ARHGAP17: variants seen among roughly 807,000 people sequenced by gnomAD.
ARHGAP17 encodes rho GTPase-activating protein 17.
A neutral mutation model predicts 99.5 loss-of-function variants in ARHGAP17; 57 were observed. That is an observed-to-expected ratio of 0.57 (90% CI 0.46 to 0.71). ARHGAP17 has a LOEUF of 0.71. ARHGAP17 is among the 30% of genes least tolerant of loss of function. ARHGAP17 has a pLI of 0.00. For missense variants in ARHGAP17, 1,000 were observed against 1,122.4 expected (o/e 0.89, Z 1.56); for synonymous variants, 417 against 429.6 (o/e 0.97, Z 0.36).
chr16:24,956,624 A>C (rs1236944398), intron 9 of ARHGAP17: 1 of 152,230 alleles, frequency 6.6e-6, no homozygotes. Flanking sequence ...TCCTGCTGGG[A>C]GTGCACGATC....
At chr16:24,979,704 T>TATTATTATTA (rs1555466862) in intron 1 of ARHGAP17, among the ~76,000 whole-genome samples, 1 of 150,508 alleles carries the variant, frequency 6.6e-6, no homozygotes, top group Non-Finnish European at 1.5e-5. Flanking sequence ...TAATTTTTAT[T>TATTATTATTA]TTATTATTAT....
At chr16:24,998,160 C>T (rs1567264931) in intron 1 of ARHGAP17, among the ~76,000 whole-genome samples, 1 of 151,868 alleles carries the variant, frequency 6.6e-6, no homozygotes, top group Non-Finnish European at 1.5e-5. Context: ...AACTGGGCCC[C>T]GGGCACAGGG....
chr16:25,006,847 A>C (rs1412364505), intron 1 of ARHGAP17, among the ~76,000 whole-genome samples: 1 of 152,202 alleles, frequency 6.6e-6, no homozygotes, highest in Admixed American at 6.5e-5. Context: ...ATGTCAGCAG[A>C]GATTTTTCAA....
chr16:24,958,971 G>C (rs1377575494), intron 9 of ARHGAP17, among the ~76,000 whole-genome samples: 5 of 151,670 alleles, frequency 3.3e-5, no homozygotes, highest in Non-Finnish European at 5.9e-5. Context: ...TGCTCTAATG[G>C]TAAATCAGAG....
rs577712670 is a variant in ARHGAP17, at chr16:24,968,084, C to T, written c.461+267G>A. ...TGAGTTGTGCTCTCAAAACTGCCAC[C>T]ATCCCCTCTTCCGTTAAATATACTC... is the stretch of plus-strand genomic sequence containing the variant. On this transcript the variant is annotated intron_variant, in intron 6 of 19. Transcript: ENST00000289968. Among the ~76,000 whole-genome samples the T allele has an allele frequency of 2.0e-5, 3 of 152,164 alleles. No homozygotes were observed. In the South Asian group the frequency reaches 6.2e-4, roughly 32 times the overall value.
At position 25,015,306 on chromosome 16, in the gene ARHGAP17, G is replaced by A; in HGVS notation, c.-45C>T. 2 of 1,288,434 alleles carry A rather than the reference G, an allele frequency of 1.6e-6. No individual in the cohort carries two copies. Among genetic ancestry groups the A allele is most frequent in the Non-Finnish European group, 2.0e-6 (2 of 1,013,348 alleles). The allele number at this position is 1,288,434 out of a possible 1,614,324, so 79.8% of individuals were successfully genotyped here. A position where few individuals can be genotyped will look rare whatever the true frequency, so the allele number is the denominator to read the frequency against. ...GCCCGCGGGGCTCGGGCCGGGCAGG[G>A]CGGGGGACAGCCTGGCAGCTACTAC... On this transcript the variant is annotated 5_prime_UTR_variant, in exon 1 of 20. Transcript: ENST00000289968.
intron 17 of ARHGAP17, among the ~76,000 whole-genome samples, chr16:24,938,673 T>C (rs1415266511): frequency 6.7e-6 from 1 of 148,480 alleles, no homozygotes; most frequent in East Asian, 2.0e-4. Flanking sequence ...TTGGGAGGCT[T>C]AGGTAGGAGG....
chr16:24,936,047 C>A (rs574277570), intron 17 of ARHGAP17: 11 of 307,064 alleles, frequency 3.6e-5, no homozygotes, highest in Non-Finnish European at 6.3e-5. Context: ...GCAACCAATG[C>A]GGAGTTTTCA....
intron 19 of ARHGAP17, among the ~76,000 whole-genome samples, chr16:24,928,607 C>G (rs994698609): frequency 1.3e-5 from 2 of 152,326 alleles, no homozygotes; most frequent in South Asian, 2.1e-4. Flanking sequence ...GGCCTCCTCC[C>G]TGTTTTGAAG....
rs758866505 is a variant in ARHGAP17, at chr16:24,935,533, G to A, written c.1831C>T (p.His611Tyr). 3.1e-6 allele frequency: 5 copies of A among 1,613,568 alleles called. No individual in the cohort carries two copies. The highest frequency in any genetic ancestry group is 1.1e-5 in the South Asian group (1 of 90,962). The change falls in exon 18 of 20, where the codon CAC becomes TAC. Residue 611 changes from histidine (H) to tyrosine (Y), a missense_variant. This residue lies in a region of ARHGAP17 where 528 missense variants were observed against 511.4 expected (regional missense o/e 1.03). Transcript: ENST00000289968. ...QNQPQAAAGS[H>Y]QLSMGQPHNA... ...TGAGGTTGGCCCATGGAGAGCTGGT[G>A]GGAGCCAGCAGCTGCCTGGGGCTGA...
rs182300855 is a variant in ARHGAP17, at chr16:24,994,731, G to A, written c.54-15726C>T. On this transcript the variant is annotated intron_variant, in intron 1 of 19. Coordinates refer to ENST00000289968, the MANE Select transcript of ARHGAP17 (RefSeq NM_001006634.3). ...ATGCACCCAGGGAACTTAAGCGATT[G>A]CCCAGGGTTTCCCACCTAGGCTCTG... Among the ~76,000 whole-genome samples, 335 of 152,230 alleles carry A rather than the reference G, an allele frequency of 2.2e-3. 1 individual carries two copies. Among genetic ancestry groups the A allele is most frequent in the African/African-American group, 7.8e-3 (322 of 41,548 alleles).
intron 19 of ARHGAP17, among the ~76,000 whole-genome samples, chr16:24,922,516 C>A (rs372988486): frequency 8.5e-5 from 13 of 152,162 alleles, no homozygotes; most frequent in African/African-American, 2.9e-4. Flanking sequence ...CTGCCGCCCA[C>A]CTGCCCCATC....
At chr16:24,987,540 C>A (rs1193473516) in intron 1 of ARHGAP17, among the ~76,000 whole-genome samples, 1 of 152,082 alleles carries the variant, frequency 6.6e-6, no homozygotes, top group Non-Finnish European at 1.5e-5. Flanking sequence ...AGACTTTTGC[C>A]AAATTGCTCC....
chr16:24,998,632 C>A (rs78486001), intron 1 of ARHGAP17, among the ~76,000 whole-genome samples: 1 of 152,296 alleles, frequency 6.6e-6, no homozygotes, highest in South Asian at 2.1e-4. Flanking sequence ...CTAAGCCAAG[C>A]GCTGGACGGC....
intron 1 of ARHGAP17, among the ~76,000 whole-genome samples, chr16:24,991,983 T>G (rs4787295): frequency 0.5 from 75,721 of 152,004 alleles, 20,433 homozygotes; most frequent in African/African-American, 0.72. Context: ...GAAGAGTGAT[T>G]AACTGTGTGG....
At chr16:24,931,428 C>A in intron 18 of ARHGAP17, 24 bp from the exon 19 acceptor site, 1 of 1,495,712 alleles carries the variant, frequency 6.7e-7, no homozygotes, top group South Asian at 1.4e-5. Flanking sequence ...GAAAAAACAC[C>A]TTTCAGTAGG....
At chr16:24,960,408 G>C (rs547642804) in intron 7 of ARHGAP17, among the ~76,000 whole-genome samples, 3 of 152,156 alleles carry the variant, frequency 2.0e-5, no homozygotes, top group East Asian at 3.9e-4. Flanking sequence ...AGCCAGGCGT[G>C]GGGGCGGGCA....
chr16:24,948,357 T>A (rs1188631173), intron 13 of ARHGAP17, among the ~76,000 whole-genome samples: 1 of 152,122 alleles, frequency 6.6e-6, no homozygotes, highest in South Asian at 2.1e-4. Context: ...GCTGAGAGGA[T>A]ATATAAGAAA....
intron 15 of ARHGAP17, among the ~76,000 whole-genome samples, chr16:24,942,767 CAAA>C (rs768002636): frequency 1.7e-4 from 12 of 69,496 alleles, no homozygotes; most frequent in East Asian, 4.7e-4. Flanking sequence ...GACTCTGTCT[CAAA>C]AAAAAAAAAA....
Sources: allele counts gnomAD v4.1 joint callset (sites outside exome capture counted in the v4.1 genomes callset), GRCh38; gene constraint gnomAD v4.1.1; regional missense constraint gnomAD v4.1.1; transcripts MANE v1.5; gene names NCBI Gene and HGNC (gene_info 2026-07-23, HGNC 2026-07-21).